AFAP1L2: variants seen among roughly 807,000 people sequenced by gnomAD.
The protein encoded by AFAP1L2 is actin filament-associated protein 1-like 2.
Under a neutral mutation model 99.3 loss-of-function variants are expected in AFAP1L2, and 46 were observed. The ratio of observed to expected loss-of-function variants is 0.46; its 90% confidence interval spans 0.37 to 0.59. The LOEUF (loss-of-function observed/expected upper bound fraction) is 0.59, where lower values mean the gene tolerates loss of function less well. Ranked by LOEUF, AFAP1L2 falls within the 20% of genes least tolerant of loss-of-function variation. AFAP1L2 has a pLI of 0.00. For synonymous variants in AFAP1L2, 397 were observed against 419.1 expected, an observed-to-expected ratio of 0.95 and a Z score of 0.64; for missense variants, 959 against 1,034.9, an observed-to-expected ratio of 0.93 and a Z score of 1.01.
chr10:114,355,225 C>A (rs1325123389), intron 1 of AFAP1L2, among the ~76,000 whole-genome samples: 1 of 151,670 alleles, frequency 6.6e-6, no homozygotes, highest in Non-Finnish European at 1.5e-5. Context: ...AGGTTGCCTC[C>A]CCCACAGAAG....
chr10:114,295,349 AATTTT>A lies in AFAP1L2; in HGVS notation c.*688_*692del, dbSNP rs2133832031. Reference sequence around the variant, plus strand: ...CTATATATAATACAGCATCACTTAAAATTTTATTTAAAGACAGTTGATTCAGGCCT... The same window carrying A: ...CTATATATAATACAGCATCACTTAAAATTTAAAGACAGTTGATTCAGGCCT... On this transcript the variant is annotated 3_prime_UTR_variant, in exon 19 of 19. Transcript: ENST00000304129. 1.0e-6 allele frequency: 1 copy of A among 985,564 alleles called. No homozygotes were observed. The highest frequency in any genetic ancestry group is 1.2e-6 in the Non-Finnish European group (1 of 829,660). 61.1% of individuals were successfully genotyped at this position (985,564 alleles called of 1,614,324 possible).
intron 10 of AFAP1L2, among the ~76,000 whole-genome samples, chr10:114,305,916 A>G (rs1431539674): frequency 5.3e-5 from 3 of 57,116 alleles, no homozygotes; most frequent in South Asian, 7.2e-4. Context: ...GAGGGGACAC[A>G]GGTGCAGGAG....
At chr10:114,352,561 A>G (rs1255810151) in intron 1 of AFAP1L2, among the ~76,000 whole-genome samples, 1 of 151,634 alleles carries the variant, frequency 6.6e-6, no homozygotes, top group African/African-American at 2.4e-5. Flanking sequence ...GTAGACAGCA[A>G]CAGGGGCAGG....
chr10:114,344,310 G>A (rs936814891), intron 1 of AFAP1L2, among the ~76,000 whole-genome samples: 2 of 152,116 alleles, frequency 1.3e-5, no homozygotes, highest in African/African-American at 2.4e-5. Context: ...GGAGGACAAC[G>A]ACAGTGAGCC....
the AFAP1L2 span, among the ~76,000 whole-genome samples, chr10:114,287,812 TATC>T: frequency 6.6e-6 from 1 of 152,248 alleles, no homozygotes; most frequent in Non-Finnish European, 1.5e-5. Flanking sequence ...GGCACAGTGT[TATC>T]ATTAATGAAC....
At chr10:114,382,624 G>T (rs538255506) in intron 1 of AFAP1L2, among the ~76,000 whole-genome samples, 3 of 93,032 alleles carry the variant, frequency 3.2e-5, no homozygotes, top group Admixed American at 3.4e-4. Context: ...ACCGAGTTTC[G>T]CTCTTGTTGC....
At chr10:114,360,908 C>A (rs1036648747) in intron 1 of AFAP1L2, among the ~76,000 whole-genome samples, 4 of 152,170 alleles carry the variant, frequency 2.6e-5, no homozygotes, top group Non-Finnish European at 4.4e-5. Context: ...ACAATGATTT[C>A]CTCCTGCATT....
the AFAP1L2 span, chr10:114,289,208 T>G: frequency 4.3e-6 from 7 of 1,613,590 alleles, no homozygotes; most frequent in South Asian, 7.7e-5. Flanking sequence ...GGCACCGCCC[T>G]GCTGCACATC....
intron 1 of AFAP1L2, among the ~76,000 whole-genome samples, chr10:114,378,008 C>T (rs2055031734): frequency 1.3e-5 from 2 of 152,286 alleles, no homozygotes; most frequent in South Asian, 2.1e-4. Context: ...GTAAAGCCTC[C>T]CAGGCAAGGA....
chr10:114,287,799 T>C, the AFAP1L2 span, among the ~76,000 whole-genome samples: 160 of 152,388 alleles, frequency 1.0e-3, 2 homozygotes, highest in African/African-American at 3.6e-3. Flanking sequence ...CTTGCATTAG[T>C]ATGGCACAGT....
At chr10:114,314,651 C>T (rs1039395676) in intron 6 of AFAP1L2, among the ~76,000 whole-genome samples, 3 of 152,096 alleles carry the variant, frequency 2.0e-5, no homozygotes, top group African/African-American at 7.2e-5. Context: ...TGTAACCAGG[C>T]AAGAAAAGGT....
At chr10:114,302,536 G>A (rs762973333) in intron 11 of AFAP1L2, 52 bp from the exon 12 acceptor site, 3 of 1,606,986 alleles carry the variant, frequency 1.9e-6, no homozygotes, top group Non-Finnish European at 2.5e-6. Flanking sequence ...GCTGCCTGGT[G>A]CCAGCCCCTC....
Position 114,295,789 on chromosome 10 carries a change from T to A in AFAP1L2, c.*253A>T. 1 of 1,267,988 alleles carries A rather than the reference T, an allele frequency of 7.9e-7. No homozygotes were observed. The highest frequency in any genetic ancestry group is 1.0e-6 in the Non-Finnish European group (1 of 1,004,970). 78.5% of individuals were successfully genotyped at this position (1,267,988 alleles called of 1,614,324 possible). A position where few individuals can be genotyped will look rare whatever the true frequency, so the allele number is the denominator to read the frequency against. ...TCAAAAAAGAAAGAAACACAGAACA[T>A]CCCTAAATACAACGTCTTGTTTACA... On this transcript the variant is annotated 3_prime_UTR_variant, in exon 19 of 19. Transcript: ENST00000304129.
intron 1 of AFAP1L2, among the ~76,000 whole-genome samples, chr10:114,393,935 C>A (rs999315608): frequency 1.3e-5 from 2 of 152,222 alleles, no homozygotes; most frequent in African/African-American, 4.8e-5. Context: ...CTCATGCTCC[C>A]CCTGGGAGGA....
intron 1 of AFAP1L2, among the ~76,000 whole-genome samples, chr10:114,368,416 CTGTTTGTT>C (rs112938653): frequency 6.6e-6 from 1 of 151,872 alleles, no homozygotes; most frequent in African/African-American, 2.4e-5. Flanking sequence ...TTTGGGGGTT[CTGTTTGTT>C]TGTTTGTTTG....
At chr10:114,388,346 C>G (rs1477711750) in intron 1 of AFAP1L2, among the ~76,000 whole-genome samples, 2 of 152,100 alleles carry the variant, frequency 1.3e-5, no homozygotes, top group African/African-American at 4.8e-5. Context: ...GGGCCTGGTT[C>G]TCCCCACAGC....
At chr10:114,369,608 A>C (rs1462194614) in intron 1 of AFAP1L2, among the ~76,000 whole-genome samples, 6 of 151,822 alleles carry the variant, frequency 4.0e-5, no homozygotes, top group Admixed American at 6.6e-5. Context: ...AAAAAAAAAA[A>C]AAAAAAACTT....
At chr10:114,328,502 C>T (rs1333432212) in intron 4 of AFAP1L2, among the ~76,000 whole-genome samples, 2 of 152,186 alleles carry the variant, frequency 1.3e-5, no homozygotes, top group Non-Finnish European at 2.9e-5. Context: ...ACAGGGCACT[C>T]CAGGCTCAGG....
At chr10:114,340,396 C>T (rs978009189) in intron 2 of AFAP1L2, among the ~76,000 whole-genome samples, 2 of 151,956 alleles carry the variant, frequency 1.3e-5, no homozygotes, top group South Asian at 2.1e-4. Flanking sequence ...AGGGAGAAGA[C>T]AGCCATCAGC....
Sources: gnomAD v4.1 joint callset for allele counts (sites outside exome capture counted in the v4.1 genomes callset) on GRCh38, gnomAD v4.1.1 for gene constraint, MANE v1.5 for transcripts, NCBI Gene and HGNC (gene_info 2026-07-23, HGNC 2026-07-21) for gene names.